HIBADH: variants seen among roughly 807,000 people sequenced by gnomAD.
HIBADH encodes 3-hydroxyisobutyrate dehydrogenase, mitochondrial.
A neutral mutation model predicts 36.1 loss-of-function variants in HIBADH; 25 were observed. The ratio of observed to expected loss-of-function variants is 0.69; its 90% CI spans 0.50 to 0.97. The LOEUF (loss-of-function observed/expected upper bound fraction) is 0.97. HIBADH is among the 50% of genes least tolerant of loss of function. The probability of loss-of-function intolerance (pLI) is 0.00; values close to 1 mark genes in which losing one functional copy is unlikely to be tolerated. For missense variants in HIBADH, 421 were observed against 418.0 expected (o/e 1.01, Z -0.06); for synonymous variants, 160 against 149.5 (o/e 1.07, Z -0.51).
chr7:27,578,670 G>A (rs571722480), intron 4 of HIBADH, among the ~76,000 whole-genome samples: 141 of 152,172 alleles, frequency 9.3e-4, no homozygotes, highest in African/African-American at 3.3e-3. Context: ...TATTTAGAGC[G>A]CATATTGGAC....
At chr7:27,585,078 TATAC>T (rs1193379549) in intron 4 of HIBADH, among the ~76,000 whole-genome samples, 7 of 151,976 alleles carry the variant, frequency 4.6e-5, no homozygotes, top group Non-Finnish European at 1.0e-4. Flanking sequence ...TTTGTAAAAA[TATAC>T]ATACATAAAT....
At chr7:27,600,979 T>C (rs1325926299) in intron 4 of HIBADH, among the ~76,000 whole-genome samples, 3 of 152,114 alleles carry the variant, frequency 2.0e-5, no homozygotes, top group Admixed American at 2.0e-4. Context: ...TGGTTTGTTT[T>C]CCAAAAATAC....
chr7:27,623,707 A>T (rs1785586767), intron 4 of HIBADH, among the ~76,000 whole-genome samples: 1 of 152,246 alleles, frequency 6.6e-6, no homozygotes, highest in Non-Finnish European at 1.5e-5. Flanking sequence ...AAAGATCTCT[A>T]CAAGAAAAAC....
chr7:27,633,260 G>C (rs1237315931), intron 2 of HIBADH, among the ~76,000 whole-genome samples: 1 of 152,068 alleles, frequency 6.6e-6, no homozygotes, highest in Non-Finnish European at 1.5e-5. Context: ...CCAGCTCTCT[G>C]GCTCTTTTCC....
At chr7:27,579,337 T>C (rs530873325) in intron 4 of HIBADH, among the ~76,000 whole-genome samples, 1 of 152,136 alleles carries the variant, frequency 6.6e-6, no homozygotes, top group African/African-American at 2.4e-5. Context: ...AGAGAACACA[T>C]AAATTGAAAT....
chr7:27,608,684 C>T (rs1052243289), intron 4 of HIBADH, among the ~76,000 whole-genome samples: 2 of 152,122 alleles, frequency 1.3e-5, no homozygotes, highest in African/African-American at 4.8e-5. Flanking sequence ...ACTAGTTTCA[C>T]ATTGCTTAGA....
chr7:27,653,748 A>T (rs1786243881), intron 1 of HIBADH, among the ~76,000 whole-genome samples: 1 of 152,104 alleles, frequency 6.6e-6, no homozygotes, highest in Non-Finnish European at 1.5e-5. Context: ...AAAAAAAAAA[A>T]GAAATACCAT....
chr7:27,591,377 C>G (rs1045530384), intron 4 of HIBADH, among the ~76,000 whole-genome samples: 1 of 152,092 alleles, frequency 6.6e-6, no homozygotes, highest in Non-Finnish European at 1.5e-5. Context: ...CAGTGAAACC[C>G]TGACTCTACT....
chr7:27,559,708 G>C (rs985677223), intron 4 of HIBADH, among the ~76,000 whole-genome samples: 1 of 152,144 alleles, frequency 6.6e-6, no homozygotes. Context: ...TGTGATTAGG[G>C]AATATGACAG....
At chr7:27,541,148 T>TTC (rs1562614909) in intron 5 of HIBADH, among the ~76,000 whole-genome samples, 2 of 146,282 alleles carry the variant, frequency 1.4e-5, no homozygotes, top group African/African-American at 2.6e-5. Flanking sequence ...TTTTTTTTTT[T>TTC]CTCCGTAATA....
intron 4 of HIBADH, among the ~76,000 whole-genome samples, chr7:27,614,841 C>T (rs886899230): frequency 3.3e-5 from 5 of 152,106 alleles, no homozygotes; most frequent in Non-Finnish European, 7.4e-5. Flanking sequence ...AGGAAAGACC[C>T]CAAAAACTGG....
intron 1 of HIBADH, among the ~76,000 whole-genome samples, chr7:27,657,025 C>T (rs986098986): frequency 3.9e-5 from 6 of 152,116 alleles, no homozygotes; most frequent in African/African-American, 1.4e-4. Context: ...CATCCTTCTG[C>T]CAAATGACTG....
At chr7:27,561,097 TG>T (rs1233660532) in intron 4 of HIBADH, among the ~76,000 whole-genome samples, 1 of 152,208 alleles carries the variant, frequency 6.6e-6, no homozygotes, top group African/African-American at 2.4e-5. Flanking sequence ...TAGTCATCTG[TG>T]TATCTTCTTT....
chr7:27,628,409 C>G (rs1298527425), intron 4 of HIBADH, among the ~76,000 whole-genome samples: 1 of 152,054 alleles, frequency 6.6e-6, no homozygotes, highest in Non-Finnish European at 1.5e-5. Context: ...AATTCATATT[C>G]TGCTGTCTAC....
chr7:27,526,503 G>A (rs1252711881), intron 7 of HIBADH, 131 bp from the exon 8 acceptor site: 7 of 611,864 alleles, frequency 1.1e-5, no homozygotes, highest in Middle Eastern at 4.2e-4. Context: ...TAAATACTAT[G>A]GTAAGTTAAC....
intron 4 of HIBADH, among the ~76,000 whole-genome samples, chr7:27,616,153 A>G (rs1785421470): frequency 6.6e-6 from 1 of 152,160 alleles, no homozygotes; most frequent in South Asian, 2.1e-4. Flanking sequence ...CACAGGGCAA[A>G]AGAGGAAGCA....
At chr7:27,574,692 T>C (rs1323324074) in intron 4 of HIBADH, among the ~76,000 whole-genome samples, 3 of 152,210 alleles carry the variant, frequency 2.0e-5, no homozygotes, top group Non-Finnish European at 2.9e-5. Flanking sequence ...CTGGAACTAA[T>C]ACTTGAAAAG....
rs962925 is a variant in HIBADH, at chr7:27,637,602, A to C, written c.253-5157T>G. On this transcript the variant is annotated intron_variant, in intron 2 of 7. Transcript: ENST00000265395. ...TAGTACTTAAGTCCTGGCCAGAGCAATCAGGCAAGAAATAAAAGGCATTCA... is the reference window on the plus strand; with the variant it reads ...TAGTACTTAAGTCCTGGCCAGAGCACTCAGGCAAGAAATAAAAGGCATTCA... Among the ~76,000 whole-genome samples the C allele has an allele frequency of 5.7e-3, 862 of 152,238 alleles. 9 individuals are homozygous for C. The highest frequency in any genetic ancestry group is 0.02 in the African/African-American group (816 of 41,548).
chr7:27,606,107 T>A (rs200658980), intron 4 of HIBADH, among the ~76,000 whole-genome samples: 2 of 85,690 alleles, frequency 2.3e-5, no homozygotes, highest in South Asian at 3.6e-4. Flanking sequence ...TCATAAAACA[T>A]TTTTTTCATA....
Sources: allele counts gnomAD v4.1 joint callset (sites outside exome capture counted in the v4.1 genomes callset), GRCh38; gene constraint gnomAD v4.1.1; transcripts MANE v1.5; gene names NCBI Gene and HGNC (gene_info 2026-07-23, HGNC 2026-07-21).